The following STIM2 variants were observed in gnomAD, a reference collection of about 807,000 sequenced individuals.
STIM2 encodes the protein stromal interaction molecule 2.
Under a neutral mutation model 85.8 loss-of-function variants are expected in STIM2, and 31 were observed. That is an observed-to-expected ratio of 0.36 (90% CI 0.27 to 0.49). The LOEUF (loss-of-function observed/expected upper bound fraction) is 0.49, where lower values mean the gene tolerates loss of function less well. STIM2 is among the 20% of genes least tolerant of loss of function. The pLI is 0.98. For synonymous variants in STIM2, 356 were observed against 331.1 expected, an observed-to-expected ratio of 1.08 and a Z score of -0.82; for missense variants, 841 against 927.6, an observed-to-expected ratio of 0.91 and a Z score of 1.21.
At chr4:26,890,513 C>T (rs1050058635) in intron 1 of STIM2, among the ~76,000 whole-genome samples, 1 of 152,060 alleles carries the variant, frequency 6.6e-6, no homozygotes, top group Admixed American at 6.6e-5. Context: ...AATAAGGCCC[C>T]GTAGCAAGCC....
chr4:26,950,310 T>G (rs552044049), intron 2 of STIM2, among the ~76,000 whole-genome samples: 1 of 152,224 alleles, frequency 6.6e-6, no homozygotes, highest in Non-Finnish European at 1.5e-5. Context: ...GGTATTATCT[T>G]ATGTACAAAA....
chr4:26,931,302 G>A (rs949831816), intron 2 of STIM2, among the ~76,000 whole-genome samples: 1 of 152,058 alleles, frequency 6.6e-6, no homozygotes, highest in African/African-American at 2.4e-5. Context: ...GAGTTACTAG[G>A]TCCAGCCAAC....
intron 3 of STIM2, among the ~76,000 whole-genome samples, chr4:26,979,673 C>G (rs1013193169): frequency 2.6e-5 from 4 of 151,982 alleles, no homozygotes; most frequent in African/African-American, 9.7e-5. Context: ...ATAAAGGCAT[C>G]CAGATAATTA....
At chr4:26,958,754 A>G (rs1726341586) in intron 3 of STIM2, among the ~76,000 whole-genome samples, 1 of 152,196 alleles carries the variant, frequency 6.6e-6, no homozygotes, top group South Asian at 2.1e-4. Flanking sequence ...AGGAATAGAA[A>G]TAAACAAATA....
At chr4:26,998,770 G>A (rs1430065346) in intron 4 of STIM2, among the ~76,000 whole-genome samples, 1 of 151,968 alleles carries the variant, frequency 6.6e-6, no homozygotes, top group Non-Finnish European at 1.5e-5. Context: ...AAATTACCCA[G>A]GCGTGGTGGC....
At position 26,930,481 on chromosome 4, in the gene STIM2, T is replaced by C. The variant is rs1035022094; in HGVS notation, c.282+10847T>C. On this transcript the variant is annotated intron_variant, in intron 2 of 11. Transcript: ENST00000467087. ...GGAATAGGTAGTTTTAGAGGTTTTT[T>C]TTTATCAGTTTGTTTGATATACATA... is the stretch of plus-strand genomic sequence containing the variant. 2.0e-5 allele frequency among the ~76,000 whole-genome samples: 3 copies of C among 152,314 alleles called. No homozygotes were observed. The South Asian group carries it at 6.2e-4, about 32-fold the overall frequency.
intron 3 of STIM2, among the ~76,000 whole-genome samples, chr4:26,963,205 A>C (rs957040617): frequency 1.3e-5 from 2 of 152,140 alleles, no homozygotes; most frequent in Admixed American, 1.3e-4. Flanking sequence ...ATAAAGAAAA[A>C]AATTTCTGGC....
chr4:26,899,022 G>T (rs1723819569), intron 1 of STIM2, among the ~76,000 whole-genome samples: 1 of 151,190 alleles, frequency 6.6e-6, no homozygotes. Context: ...CTTAGTAAAT[G>T]TTTGAATAGA....
rs796283582 is a variant in STIM2, at chr4:26,885,839, A to G, written c.151+24470A>G. Among the ~76,000 whole-genome samples, 35 of 23,192 alleles carry G rather than the reference A, an allele frequency of 1.5e-3. 1 individual carries two copies. The highest frequency in any genetic ancestry group is 0.012 in the South Asian group (9 of 738). 15.2% of individuals were successfully genotyped at this position (23,192 alleles called of 152,430 possible). On this transcript the variant is annotated intron_variant, in intron 1 of 11. Coordinates refer to ENST00000467087, the MANE Select transcript of STIM2 (RefSeq NM_020860.4). ...CCTCAGGTTATATATATATATATAT[A>G]TATATATATATATATATATATATAT...
intron 2 of STIM2, among the ~76,000 whole-genome samples, chr4:26,938,172 C>A (rs984164976): frequency 1.3e-5 from 2 of 149,240 alleles, no homozygotes; most frequent in African/African-American, 4.9e-5. Flanking sequence ...TTGGTTTTCC[C>A]AAATTTTCTT....
chr4:26,869,299 C>CAAAA (rs71186495), intron 1 of STIM2, among the ~76,000 whole-genome samples: 3 of 85,872 alleles, frequency 3.5e-5, no homozygotes, highest in African/African-American at 8.9e-5. Flanking sequence ...ACCCTGTCTC[C>CAAAA]AAAAAAAAAA....
intron 1 of STIM2, among the ~76,000 whole-genome samples, chr4:26,882,831 TTTTC>T (rs1357203290): frequency 1.3e-5 from 2 of 150,258 alleles, no homozygotes; most frequent in Admixed American, 6.6e-5. Context: ...TCTTGTTTCC[TTTTC>T]TTTCTTTTTT....
chr4:26,916,343 C>T (rs1724578623), intron 1 of STIM2, among the ~76,000 whole-genome samples: 1 of 152,170 alleles, frequency 6.6e-6, no homozygotes, highest in African/African-American at 2.4e-5. Context: ...CTTGGCAAAA[C>T]ACCAAACCCT....
At position 27,012,014 on chromosome 4, in the gene STIM2, G is replaced by A. The variant is rs142568383; in HGVS notation, c.1489+3012G>A. ...CACCTAGAAGTTATTTTTGTTCATAGTGTGAAGTTGGAATCTAAATATATC... is the reference window on the plus strand; with the variant it reads ...CACCTAGAAGTTATTTTTGTTCATAATGTGAAGTTGGAATCTAAATATATC... On this transcript the variant is annotated intron_variant, in intron 10 of 11. Transcript: ENST00000467087. 3.2e-3 allele frequency among the ~76,000 whole-genome samples: 481 copies of A among 152,022 alleles called. 2 individuals carry two copies. The highest frequency in any genetic ancestry group is 0.011 in the African/African-American group (461 of 41,456).
At chr4:26,902,694 G>GTAAT in intron 1 of STIM2, among the ~76,000 whole-genome samples, 1 of 152,242 alleles carries the variant, frequency 6.6e-6, no homozygotes, top group Admixed American at 6.5e-5. Flanking sequence ...GAAGAATGCG[G>GTAAT]TAATTGTCAG....
At chr4:26,923,037 G>A (rs1724862567) in intron 2 of STIM2, among the ~76,000 whole-genome samples, 1 of 151,632 alleles carries the variant, frequency 6.6e-6, no homozygotes, top group Non-Finnish European at 1.5e-5. Flanking sequence ...CTGAGAACGG[G>A]CAGACTGCCT....
At position 26,878,944 on chromosome 4, in the gene STIM2, C is replaced by T. The variant is rs192905686; in HGVS notation, c.151+17575C>T. On this transcript the variant is annotated intron_variant, in intron 1 of 11. Transcript: ENST00000467087. The stretch of plus-strand genomic sequence containing the variant: ...CCCCTGTGGGCCAGTCACCTCCCAT[C>T]AGGATCCTCCCCCCACACATGAGGA... Among the ~76,000 whole-genome samples, 44 of 152,290 alleles carry T rather than the reference C, an allele frequency of 2.9e-4. No individual in the cohort carries two copies. In the East Asian group the frequency reaches 8.3e-3, roughly 29 times the overall value.
chr4:26,978,232 A>G (rs999915685), intron 3 of STIM2, among the ~76,000 whole-genome samples: 1 of 149,032 alleles, frequency 6.7e-6, no homozygotes, highest in Non-Finnish European at 1.5e-5. Context: ...TTTTAATCAT[A>G]TATACATATA....
intron 1 of STIM2, among the ~76,000 whole-genome samples, chr4:26,866,935 A>G (rs13147642): frequency 2.1e-3 from 316 of 152,330 alleles, no homozygotes; most frequent in Non-Finnish European, 3.2e-3. Context: ...TTGCAAATCT[A>G]TATCCTGTCA....
Sources: allele counts gnomAD v4.1 joint callset (sites outside exome capture counted in the v4.1 genomes callset), GRCh38; gene constraint gnomAD v4.1.1; transcripts MANE v1.5; gene names NCBI Gene and HGNC (gene_info 2026-07-23, HGNC 2026-07-21).